MYRIP: variants seen among roughly 807,000 people sequenced by gnomAD.
MYRIP encodes myosin VIIA and Rab interacting protein.
Under a neutral mutation model 98.0 loss-of-function variants are expected in MYRIP, and 49 were observed. The ratio of observed to expected loss-of-function variants is 0.50; its 90% CI spans 0.40 to 0.63. MYRIP has a LOEUF of 0.63. Among genes scored for constraint, MYRIP ranks in the 30% least tolerant of loss-of-function variants. The pLI is 0.00. For missense variants in MYRIP, 1,004 were observed against 1,058.2 expected (o/e 0.95, Z 0.71); for synonymous variants, 404 against 409.5 (o/e 0.99, Z 0.16).
chr3:40,097,523 T>C (rs1231249049), intron 3 of MYRIP, among the ~76,000 whole-genome samples: 1 of 152,176 alleles, frequency 6.6e-6, no homozygotes, highest in Non-Finnish European at 1.5e-5. Flanking sequence ...TTGGGAGATA[T>C]TTCTGGCTAT....
chr3:40,217,276 C>A (rs1952152006), intron 11 of MYRIP, among the ~76,000 whole-genome samples: 1 of 152,082 alleles, frequency 6.6e-6, no homozygotes, highest in Admixed American at 6.6e-5. Context: ...AAAAATCACA[C>A]ACCACCAAAA....
chr3:40,205,008 A>G (rs1951753760), intron 10 of MYRIP, among the ~76,000 whole-genome samples: 1 of 151,952 alleles, frequency 6.6e-6, no homozygotes, highest in East Asian at 1.9e-4. Flanking sequence ...ACTTTATTAC[A>G]ATGTCACCAG....
At chr3:39,908,172 G>A (rs772707498) in intron 2 of MYRIP, among the ~76,000 whole-genome samples, 52 of 152,170 alleles carry the variant, frequency 3.4e-4, no homozygotes, top group Non-Finnish European at 6.5e-4. Flanking sequence ...CTGTAACTGC[G>A]ACTGGCGCCT....
At chr3:40,129,017 C>T (rs562802168) in intron 3 of MYRIP, among the ~76,000 whole-genome samples, 1 of 152,070 alleles carries the variant, frequency 6.6e-6, no homozygotes, top group East Asian at 1.9e-4. Context: ...TATTCAATTC[C>T]TCTTCAAAAC....
chr3:40,204,224 A>AAT (rs796242922), intron 10 of MYRIP, among the ~76,000 whole-genome samples: 250 of 5,364 alleles, frequency 0.047, 16 homozygotes, highest in South Asian at 0.16. Context: ...ATTATATATA[A>AAT]ATATATATAT....
At chr3:39,844,658 A>G (rs368117151) in intron 1 of MYRIP, among the ~76,000 whole-genome samples, 131 of 152,348 alleles carry the variant, frequency 8.6e-4, no homozygotes, top group African/African-American at 3.1e-3. Context: ...CCACATGGTC[A>G]CTTTATGTCC....
rs1952739632 is a variant in MYRIP, at chr3:40,233,911, T to C, written c.1958T>C (p.Ile653Thr). 5 of 1,613,614 alleles carry C rather than the reference T, an allele frequency of 3.1e-6. No individual in the cohort carries two copies. The highest frequency in any genetic ancestry group is 3.4e-6 in the Non-Finnish European group (4 of 1,179,860). The change falls in exon 12 of 17, where the codon ATC (isoleucine) becomes ACC (threonine). Residue 653 changes from isoleucine (I) to threonine (T), a missense_variant. Coordinates refer to ENST00000302541, the MANE Select transcript of MYRIP (RefSeq NM_015460.4). ...ATCTCCACAGAAGTCCTGAAAGTCA[T>C]CAATGCCACAGAGGAGTTGATAGCA... ...CNISTEVLKV[I>T]NATEELIAGS...
At chr3:40,171,128 G>A (rs1351102152) in intron 8 of MYRIP, among the ~76,000 whole-genome samples, 2 of 152,126 alleles carry the variant, frequency 1.3e-5, no homozygotes, top group South Asian at 2.1e-4. Context: ...TACTGCTGCT[G>A]TCATGCATAT....
Position 40,146,797 on chromosome 3 carries a change from A to C in MYRIP, c.333-4251A>C, listed in dbSNP as rs72856956. Among the ~76,000 whole-genome samples, 1,076 of 152,132 alleles carry C rather than the reference A, an allele frequency of 7.1e-3. 19 individuals are homozygous for C. The highest frequency in any genetic ancestry group is 0.023 in the African/African-American group (971 of 41,506). On this transcript the variant is annotated intron_variant, in intron 3 of 16. Transcript: ENST00000302541. ...CGTATGCACACACACACACCCCACC[A>C]CAAGTTCCAGGACCCCTCCCAATCT...
intron 2 of MYRIP, among the ~76,000 whole-genome samples, chr3:39,952,165 T>C (rs75898855): frequency 0.037 from 5,562 of 152,274 alleles, 336 homozygotes; most frequent in African/African-American, 0.13. Context: ...CTTTTGCACA[T>C]GGCTTCTTTC....
intron 3 of MYRIP, among the ~76,000 whole-genome samples, chr3:40,148,921 G>A (rs1950061889): frequency 2.0e-5 from 3 of 152,178 alleles, no homozygotes; most frequent in Non-Finnish European, 4.4e-5. Context: ...GTTTAGGGCT[G>A]AAAGGTGGAG....
chr3:40,035,227 A>G (rs1405443337), intron 2 of MYRIP, among the ~76,000 whole-genome samples: 1 of 151,798 alleles, frequency 6.6e-6, no homozygotes, highest in Non-Finnish European at 1.5e-5. Flanking sequence ...GTATAATAAT[A>G]AAATTTTAAA....
intron 2 of MYRIP, among the ~76,000 whole-genome samples, chr3:40,032,347 T>C (rs1341587608): frequency 6.6e-6 from 1 of 152,180 alleles, no homozygotes; most frequent in Non-Finnish European, 1.5e-5. Context: ...TGAGTGAGTT[T>C]CTTAATCCTG....
At chr3:40,093,920 C>T (rs1028453181) in intron 3 of MYRIP, among the ~76,000 whole-genome samples, 5 of 152,124 alleles carry the variant, frequency 3.3e-5, no homozygotes, top group African/African-American at 1.2e-4. Flanking sequence ...CCAGCTTTTC[C>T]ACCTGTATAT....
At chr3:40,012,713 G>A (rs74553437) in intron 2 of MYRIP, among the ~76,000 whole-genome samples, 1,527 of 152,256 alleles carry the variant, frequency 0.01, 28 homozygotes, top group African/African-American at 0.035. Flanking sequence ...GCCTCATAGA[G>A]TAAGCTAGAA....
At chr3:40,231,561 G>A (rs2125697597) in intron 11 of MYRIP, among the ~76,000 whole-genome samples, 1 of 152,304 alleles carries the variant, frequency 6.6e-6, no homozygotes, top group South Asian at 2.1e-4. Flanking sequence ...GCTGTTTATA[G>A]ATGGAATAAA....
At chr3:40,182,465 T>C in intron 9 of MYRIP, 92 bp downstream of exon 9, 2 of 1,423,314 alleles carry the variant, frequency 1.4e-6, no homozygotes, top group African/African-American at 1.4e-5. Context: ...TCTGCTCTTC[T>C]TCCCATAAGT....
At chr3:40,133,183 A>C (rs1245253050) in intron 3 of MYRIP, among the ~76,000 whole-genome samples, 3 of 152,260 alleles carry the variant, frequency 2.0e-5, no homozygotes, top group African/African-American at 7.2e-5. Context: ...AGTGCTAAGA[A>C]AATTCATGTC....
rs182505501 is a variant in MYRIP, at chr3:39,823,894, C to T, written c.-31+13978C>T. On this transcript the variant is annotated intron_variant, in intron 1 of 16. Transcript: ENST00000302541. ...TTTGCTTATTTTTGCTTTTGTTTCCCATGCTTTTGAAGTCTTATCCATAAA... is the reference window on the plus strand; with the variant it reads ...TTTGCTTATTTTTGCTTTTGTTTCCTATGCTTTTGAAGTCTTATCCATAAA... Among the ~76,000 whole-genome samples the T allele has an allele frequency of 1.5e-3, 234 of 152,030 alleles. 1 individual carries two copies. Among genetic ancestry groups the T allele is most frequent in the Non-Finnish European group, 2.5e-3 (172 of 67,968 alleles).
Sources: allele counts gnomAD v4.1 joint callset (sites outside exome capture counted in the v4.1 genomes callset), GRCh38; gene constraint gnomAD v4.1.1; transcripts MANE v1.5; gene names NCBI Gene and HGNC (gene_info 2026-07-23, HGNC 2026-07-21).